Variants in BCL2L14 observed in about 807,000 individuals in gnomAD.
BCL2L14 encodes the protein BCL2 like 14.
A neutral mutation model predicts 35.3 loss-of-function variants in BCL2L14; 27 were observed. The observed-to-expected ratio is 0.76, with a 90% confidence interval of 0.56 to 1.05. BCL2L14 has a LOEUF of 1.05. BCL2L14 is among the 50% of genes least tolerant of loss of function. The pLI is 0.00. For synonymous variants in BCL2L14, 139 were observed against 145.9 expected (o/e 0.95, Z 0.34); for missense variants, 377 against 382.6 (o/e 0.99, Z 0.12).
At chr12:12,061,974 A>G (rs556631010) in intron 2 of BCL2L14, among the ~76,000 whole-genome samples, 72 of 152,304 alleles carry the variant, frequency 4.7e-4, no homozygotes, top group African/African-American at 1.5e-3. Context: ...GCACCCTGTA[A>G]CCTTTCTATG....
At chr12:12,061,841 C>T (rs1250200375) in intron 2 of BCL2L14, among the ~76,000 whole-genome samples, 8 of 152,288 alleles carry the variant, frequency 5.3e-5, no homozygotes, top group Non-Finnish European at 8.8e-5. Context: ...TAAAAACACA[C>T]GTGCTCTCCC....
chr12:12,087,519 TGGG>T, intron 3 of BCL2L14, 133 bp downstream of exon 3: 1 of 1,013,076 alleles, frequency 9.9e-7, no homozygotes, highest in Non-Finnish European at 1.4e-6. Flanking sequence ...CCACAGGCTG[TGGG>T]CAATGAGCTC....
intron 2 of BCL2L14, among the ~76,000 whole-genome samples, chr12:12,063,168 A>T (rs3962618): frequency 1.4e-5 from 2 of 147,380 alleles, no homozygotes; most frequent in African/African-American, 5.0e-5. Flanking sequence ...TTCTCAACTA[A>T]TCATACATGC....
Position 12,099,038 on chromosome 12 carries a change from C to T in BCL2L14, c.*50C>T, listed in dbSNP as rs1949376229. 7.1e-7 allele frequency: 1 copy of T among 1,399,382 alleles called. No homozygotes were observed. Among genetic ancestry groups the T allele is most frequent in the South Asian group, 1.2e-5 (1 of 86,362 alleles). The allele number at this position is 1,399,382 out of a possible 1,614,324, so 86.7% of individuals were successfully genotyped here. On this transcript the variant is annotated 3_prime_UTR_variant, in exon 6 of 6. Coordinates refer to ENST00000308721, the MANE Select transcript of BCL2L14 (RefSeq NM_138723.2). ...ACTCTTTGTCTACTGTGGTCCTGTG[C>T]ACGTTGGCCTCAGATGGACTACAGG...
intron 1 of BCL2L14, among the ~76,000 whole-genome samples, chr12:12,078,988 G>A (rs908758108): frequency 2.0e-5 from 3 of 152,128 alleles, no homozygotes; most frequent in African/African-American, 7.2e-5. Context: ...GTAGAGACGG[G>A]CTTTCACTGT....
rs1306932121 is a variant in BCL2L14, at chr12:12,099,403, A to T, written c.*415A>T. ...CGTTTCTAGTACTATTTATTTTTAA[A>T]CTACACTTGGGGTGGCCTAATACCT... On this transcript the variant is annotated 3_prime_UTR_variant, in exon 6 of 6. Coordinates refer to ENST00000308721, the MANE Select transcript of BCL2L14 (RefSeq NM_138723.2). 5.8e-6 allele frequency: 1 copy of T among 173,116 alleles called. No individual in the cohort carries two copies. Among genetic ancestry groups the T allele is most frequent in the Non-Finnish European group, 1.2e-5 (1 of 82,810 alleles). 10.7% of individuals were successfully genotyped at this position (173,116 alleles called of 1,614,324 possible). A position where few individuals can be genotyped will look rare whatever the true frequency, so the allele number is the denominator to read the frequency against.
At chr12:12,089,239 G>A (rs1352608904) in intron 3 of BCL2L14, among the ~76,000 whole-genome samples, 1 of 151,744 alleles carries the variant, frequency 6.6e-6, no homozygotes, top group Non-Finnish European at 1.5e-5. Flanking sequence ...CATAGTGGCA[G>A]GTGCCTATGA....
intron 1 of BCL2L14, among the ~76,000 whole-genome samples, chr12:12,075,705 G>A (rs901474424): frequency 6.6e-6 from 1 of 152,130 alleles, no homozygotes; most frequent in African/African-American, 2.4e-5. Context: ...GATTACAGGC[G>A]TGAGCCATCG....
chr12:12,096,085 C>T (rs932336184), intron 5 of BCL2L14: 2 of 985,260 alleles, frequency 2.0e-6, no homozygotes, highest in African/African-American at 3.5e-5. Context: ...CAAAGCCTCT[C>T]CTGACCCTTC....
intron 1 of BCL2L14, among the ~76,000 whole-genome samples, chr12:12,076,485 C>G (rs1385498077): frequency 6.6e-6 from 1 of 152,164 alleles, no homozygotes; most frequent in Admixed American, 6.5e-5. Flanking sequence ...CCATACTCCT[C>G]AAGCATTTGC....
chr12:12,094,505 CT>C (rs1349760335), intron 4 of BCL2L14, 158 bp from the exon 5 acceptor site: 2 of 1,612,810 alleles, frequency 1.2e-6, no homozygotes, highest in East Asian at 4.5e-5. Context: ...CATTCTGGTT[CT>C]GCAGGACACT....
intron 2 of BCL2L14, among the ~76,000 whole-genome samples, chr12:12,058,642 C>T (rs915135797): frequency 6.6e-6 from 1 of 151,992 alleles, no homozygotes; most frequent in East Asian, 1.9e-4. Flanking sequence ...TTTACCTACC[C>T]AAATCCTATA....
upstream of BCL2L14, among the ~76,000 whole-genome samples, chr12:12,068,805 G>T (rs1948623764): frequency 6.6e-6 from 1 of 152,142 alleles, no homozygotes; most frequent in Admixed American, 6.6e-5. Context: ...ATGAAAGCAA[G>T]GTTATTAAGC....
At chr12:12,079,042 G>A (rs573484768) in intron 1 of BCL2L14, among the ~76,000 whole-genome samples, 9 of 152,270 alleles carry the variant, frequency 5.9e-5, no homozygotes, top group African/African-American at 1.4e-4. Flanking sequence ...TGATCTGCCC[G>A]CCTTGGCCTC....
At chr12:12,057,382 T>A (rs1948448381) in intron 2 of BCL2L14, among the ~76,000 whole-genome samples, 1 of 152,312 alleles carries the variant, frequency 6.6e-6, no homozygotes, top group African/African-American at 2.4e-5. Flanking sequence ...TGAAAGGATA[T>A]CCAGTAATCT....
chr12:12,059,616 TA>T, intron 2 of BCL2L14, among the ~76,000 whole-genome samples: 1 of 151,662 alleles, frequency 6.6e-6, no homozygotes, highest in Non-Finnish European at 1.5e-5. Flanking sequence ...AAGAACCCCC[TA>T]CCCCTTCTCC....
intron 2 of BCL2L14, among the ~76,000 whole-genome samples, chr12:12,059,675 C>T (rs1296028527): frequency 6.6e-6 from 1 of 152,188 alleles, no homozygotes; most frequent in Non-Finnish European, 1.5e-5. Flanking sequence ...TATAGGCAAG[C>T]TTCCACCTTC....
intron 5 of BCL2L14, among the ~76,000 whole-genome samples, chr12:12,096,723 G>A (rs976614435): frequency 5.3e-5 from 8 of 152,308 alleles, no homozygotes; most frequent in Non-Finnish European, 1.2e-4. Context: ...AAATGAAAAA[G>A]AAAAGCATTG....
chr12:12,064,599 A>C (rs773426959), intron 2 of BCL2L14, among the ~76,000 whole-genome samples: 3 of 152,150 alleles, frequency 2.0e-5, no homozygotes, highest in Non-Finnish European at 4.4e-5. Context: ...TACTCTAAAA[A>C]TTTTGCCCAA....
Sources: gnomAD v4.1 joint callset for allele counts (sites outside exome capture counted in the v4.1 genomes callset) on GRCh38, gnomAD v4.1.1 for gene constraint, MANE v1.5 for transcripts, NCBI Gene and HGNC (gene_info 2026-07-23, HGNC 2026-07-21) for gene names.